BAIAP3: variants seen among roughly 807,000 people sequenced by gnomAD.
The protein encoded by BAIAP3 is BAI1-associated protein 3.
BAIAP3 carries 180 observed loss-of-function variants against 149.7 expected under a neutral mutation model. That is an observed-to-expected ratio of 1.20 (90% CI 1.07 to 1.36). The LOEUF is 1.36. BAIAP3 is among the 40% of genes most tolerant of loss of function. BAIAP3 has a pLI of 0.00. For missense variants in BAIAP3, 1,767 were observed against 1,563.4 expected (o/e 1.13, Z -2.20); for synonymous variants, 845 against 670.7 (o/e 1.26, Z -4.02).
rs746731178 is a variant in BAIAP3 at position 1,334,672 on chromosome 16, G to A, written c.-11+923G>A. 5.8e-5 allele frequency: 90 copies of A among 1,552,356 alleles called. No homozygotes were observed. The Middle Eastern group carries it at 1.4e-3, about 24-fold the overall frequency. ...CGGGGTTCGACTGGAATGAGACCCC[G>A]GGGAGCAGCGTTTGCAGCGGGCCCG... On this transcript the variant is annotated intron_variant, in intron 1 of 33. Coordinates refer to ENST00000426824, the MANE Select transcript of BAIAP3 (RefSeq NM_001199097.2).
At position 1,348,300 on chromosome 16, in the gene BAIAP3, G is replaced by C; in HGVS notation, c.3354G>C (p.Gln1118His). ...TGCACCTGTGCCGGCCCAGAGCCCA[G>C]GGTGAGTGAGCATCTGGGTGGAGGC... ...VTLHLCRPRA[Q>H]VRSALRRLEG... is the part of the protein sequence containing the mutation. The change falls in exon 33 of 34, where the codon CAG (glutamine) becomes CAC (histidine). Residue 1118 changes from glutamine (Q) to histidine (H), a missense_variant and splice_region_variant. Coordinates refer to ENST00000426824, the MANE Select transcript of BAIAP3 (RefSeq NM_001199097.2). 1 of 1,601,642 alleles carries C rather than the reference G, an allele frequency of 6.2e-7. No individual in the cohort carries two copies. Among genetic ancestry groups the C allele is most frequent in the Non-Finnish European group, 8.5e-7 (1 of 1,174,662 alleles).
At chr16:1,336,503 G>T in intron 1 of BAIAP3, 1 of 601,974 alleles carries the variant, frequency 1.7e-6, no homozygotes, top group Non-Finnish European at 2.1e-6. Context: ...TGCACCCAGG[G>T]CTCGGGGGCT....
chr16:1,344,679 T>C lies in BAIAP3; in HGVS notation c.1738T>C (p.Tyr580His), dbSNP rs750487482. 8 of 1,613,440 alleles carry C rather than the reference T, an allele frequency of 5.0e-6. No individual in the cohort carries two copies. Among genetic ancestry groups the C allele is most frequent in the Non-Finnish European group, 6.8e-6 (8 of 1,180,004 alleles). ...YDDLQFCYSV[Y>H]ASLFHSILNV... ...TGACCTTCAGTTCTGCTACAGTGTG[T>C]ACGCCAGCCTCTTCCACAGGTGGGC... Residue 580 changes from tyrosine to histidine, a missense_variant, in exon 19 of 34, where the codon TAC (tyrosine) becomes CAC (histidine). Physicochemically the swap from Tyr to His is moderately conservative, Grantham distance 83. Transcript: ENST00000426824.
chr16:1,343,496 TC>T lies in BAIAP3; in HGVS notation c.1370del (p.Ser457TyrfsTer47), dbSNP rs1348898804. On this transcript the variant is annotated frameshift_variant, in exon 15 of 34. Coordinates refer to ENST00000426824, the MANE Select transcript of BAIAP3 (RefSeq NM_001199097.2). LOFTEE classifies it high-confidence loss of function. Reference protein sequence around the residue: ...DMQAHWEEAPSLPQEQEESLA... With the variant: ...DMQAHWEEAPXLPQEQEESLA... ...GCAGGCACACTGGGAAGAGGCTCCT[TC>T]ACTGCCCCAGGAGCAGGTGGGTGCA... The T allele has an allele frequency of 1.9e-6, 3 of 1,605,834 alleles. No individual in the cohort carries two copies. The highest frequency in any genetic ancestry group is 2.5e-6 in the Non-Finnish European group (3 of 1,177,768).
chr16:1,339,090 A>G (rs1298192501), intron 3 of BAIAP3, 74 bp from the exon 4 acceptor site: 2 of 1,591,000 alleles, frequency 1.3e-6, no homozygotes, highest in Admixed American at 3.6e-5. Context: ...CTCCTGGGGC[A>G]CCACCTGTCT....
chr16:1,339,191 C>A lies in BAIAP3; in HGVS notation c.247C>A (p.Pro83Thr), dbSNP rs1333168246. Residue 83 changes from proline to threonine, a missense_variant, in exon 4 of 34, where the codon CCC (proline) becomes ACC (threonine). Transcript: ENST00000426824. The part of the protein sequence containing the change: ...EVPLRSGSPA[P>T]PEPVDPSLGL... Reference sequence around the variant, plus strand: ...CCCCCTGCGCAGTGGCTCGCCAGCACCCCCGGAGCCTGTGGATCCCAGCCT... The same window carrying A: ...CCCCCTGCGCAGTGGCTCGCCAGCAACCCCGGAGCCTGTGGATCCCAGCCT... The A allele has an allele frequency of 1.3e-6, 2 of 1,564,824 alleles. No individual in the cohort carries two copies. Among genetic ancestry groups the A allele is most frequent in the Admixed American group, 1.9e-5 (1 of 51,938 alleles).
chr16:1,334,573 G>T lies in BAIAP3; in HGVS notation c.-11+824G>T, dbSNP rs1365631952. 4 of 1,300,422 alleles carry T rather than the reference G, an allele frequency of 3.1e-6. No individual in the cohort carries two copies. In the East Asian group the frequency reaches 7.7e-5, roughly 25 times the overall value. 80.6% of individuals were successfully genotyped at this position (1,300,422 alleles called of 1,614,324 possible). ...CCTGCGCTCCTGCTGGGCGCCAGCG[G>T]CTGGACCTTGGCAGCCGTCTGAGGC... On this transcript the variant is annotated intron_variant, in intron 1 of 33. Coordinates refer to ENST00000426824, the MANE Select transcript of BAIAP3 (RefSeq NM_001199097.2).
Position 1,349,374 on chromosome 16 carries a change from A to G in BAIAP3, c.*892A>G. On this transcript the variant is annotated 3_prime_UTR_variant, in exon 34 of 34. Transcript: ENST00000426824. Reference sequence around the variant, plus strand: ...AGAGCCGAGGCTGCCAGGCCCATTTATGTCCCTCATGTCTCTAGATTTTCT... The same window carrying G: ...AGAGCCGAGGCTGCCAGGCCCATTTGTGTCCCTCATGTCTCTAGATTTTCT... The G allele has an allele frequency of 6.4e-7, 1 of 1,558,742 alleles. No individual in the cohort carries two copies. Among genetic ancestry groups the G allele is most frequent in the Non-Finnish European group, 8.8e-7 (1 of 1,130,836 alleles).
Position 1,345,309 on chromosome 16 carries a change from C to G in BAIAP3, c.2001C>G (p.Leu667=). 2 of 1,613,188 alleles carry G rather than the reference C, an allele frequency of 1.2e-6. No homozygotes were observed. Among genetic ancestry groups the G allele is most frequent in the Non-Finnish European group, 8.5e-7 (1 of 1,179,932 alleles). ...IHAPFLPAVK[L]WFQVLRDQAK... ...CCCCCTTCCTGCCTGCTGTGAAGCT[C>G]TGGTTCCAAGTGCTGAGGGACCAGG... is the stretch of plus-strand genomic sequence containing the variant. Residue 667 remains leucine, a synonymous_variant, in exon 22 of 34, where the codon CTC becomes CTG. Transcript: ENST00000426824.
rs2033683471 is a variant in BAIAP3 at position 1,339,193 on chromosome 16, C to T, written c.249C>T (p.Pro83=). The T allele has an allele frequency of 1.3e-6, 2 of 1,565,538 alleles. No homozygotes were observed. Among genetic ancestry groups the T allele is most frequent in the African/African-American group, 1.4e-5 (1 of 74,072 alleles). The change falls in exon 4 of 34, where the codon CCC becomes CCT. Residue 83 remains proline, a synonymous_variant. Transcript: ENST00000426824. The part of the protein sequence containing the change: ...EVPLRSGSPA[P]PEPVDPSLGL... ...CCCTGCGCAGTGGCTCGCCAGCACC[C>T]CCGGAGCCTGTGGATCCCAGCCTCG...
At position 1,348,699 on chromosome 16, in the gene BAIAP3, A is replaced by G. The variant is rs1262073428; in HGVS notation, c.*217A>G. On this transcript the variant is annotated 3_prime_UTR_variant, in exon 34 of 34. Transcript: ENST00000426824. ...CACCCAACCCCACATCTGGGTGGCC[A>G]ACTTGGCAGGACTTGGCCAGCAGCT... 6.6e-6 allele frequency: 4 copies of G among 602,480 alleles called. No individual in the cohort carries two copies. Among genetic ancestry groups the G allele is most frequent in the Non-Finnish European group, 2.9e-6 (1 of 340,568 alleles). 37.3% of individuals were successfully genotyped at this position (602,480 alleles called of 1,614,324 possible).
rs1466252840 is a variant in BAIAP3, at chr16:1,346,645, C to T, written c.2603C>T (p.Ala868Val). Residue 868 changes from alanine to valine, a missense_variant, in exon 27 of 34, where the codon GCC becomes GTC. Ala to Val is a moderately conservative substitution (Grantham distance 64, BLOSUM62 0). Coordinates refer to ENST00000426824, the MANE Select transcript of BAIAP3 (RefSeq NM_001199097.2). ...ATGAAGTACCTGGATGAGAAGCTGG[C>T]CCTGCTGAACGCCTCGCTGGTGAAG... is the stretch of plus-strand genomic sequence containing the variant. ...PLMKYLDEKLALLNASLVKGN... is the reference protein window; with the variant it reads ...PLMKYLDEKLVLLNASLVKGN... 1 of 1,547,412 alleles carries T rather than the reference C, an allele frequency of 6.5e-7. No individual in the cohort carries two copies. The highest frequency in any genetic ancestry group is 8.7e-7 in the Non-Finnish European group (1 of 1,147,540).
Position 1,341,895 on chromosome 16 carries a change from C to T in BAIAP3, c.776+29C>T, listed in dbSNP as rs370377301. ...CAGGCCCCTGCGCCATGCAGGGCGG[C>T]GGGGATGCACACCTTTTGCGGGGGA... On this transcript the variant is annotated intron_variant, in intron 9 of 33. Coordinates refer to ENST00000426824, the MANE Select transcript of BAIAP3 (RefSeq NM_001199097.2). 1.2e-4 allele frequency: 186 copies of T among 1,604,200 alleles called. 2 individuals carry two copies. Among genetic ancestry groups the T allele is most frequent in the East Asian group, 4.5e-5 (2 of 44,814 alleles).
chr16:1,336,506 C>T (rs1042096014), intron 1 of BAIAP3: 5 of 573,024 alleles, frequency 8.7e-6, no homozygotes, highest in African/African-American at 2.0e-5. Flanking sequence ...ACCCAGGGCT[C>T]GGGGGCTGGC....
rs758687104 is a variant in BAIAP3 at position 1,346,615 on chromosome 16, C to T, written c.2573C>T (p.Pro858Leu). 5.8e-6 allele frequency: 9 copies of T among 1,552,592 alleles called. No individual in the cohort carries two copies. The highest frequency in any genetic ancestry group is 4.8e-5 in the East Asian group (2 of 41,370). Residue 858 changes from proline (P) to leucine (L), a missense_variant, in exon 27 of 34, where the codon CCG becomes CTG. By Grantham distance (98) the Pro-to-Leu change is moderately conservative. Transcript: ENST00000426824. ...CACCCCTGCCCGCAGGCCGTGGCCCCGCTCATGAAGTACCTGGATGAGAAG... is the reference window on the plus strand; with the variant it reads ...CACCCCTGCCCGCAGGCCGTGGCCCTGCTCATGAAGTACCTGGATGAGAAG... Reference protein sequence around the residue: ...DSIQNDEAVAPLMKYLDEKLA... With the variant: ...DSIQNDEAVALLMKYLDEKLA...
At chr16:1,343,601 G>A (rs1297237669) in intron 15 of BAIAP3, 88 bp downstream of exon 15, 3 of 1,529,650 alleles carry the variant, frequency 2.0e-6, no homozygotes, top group African/African-American at 1.4e-5. Context: ...GAGGGGCAGA[G>A]TCCTGCCCGC....
chr16:1,338,675 G>T lies in BAIAP3; in HGVS notation c.126G>T (p.Gly42=). Residue 42 remains glycine, a synonymous_variant, in exon 2 of 34, where the codon GGG becomes GGT. Coordinates refer to ENST00000426824, the MANE Select transcript of BAIAP3 (RefSeq NM_001199097.2). ...ASADPQEPAT[G]AWKPGDGVEF... is the part of the protein sequence containing the mutation. ...CCGACCCGCAGGAGCCTGCCACGGG[G>T]GCCTGGTGGGTGCCGAGGGGCCCAG... The T allele has an allele frequency of 6.3e-7, 1 of 1,580,962 alleles. No individual in the cohort carries two copies. The highest frequency in any genetic ancestry group is 1.1e-5 in the South Asian group (1 of 87,742).
At position 1,348,014 on chromosome 16, in the gene BAIAP3, A is replaced by C; in HGVS notation, c.3146A>C (p.Tyr1049Ser). The C allele has an allele frequency of 6.2e-7, 1 of 1,608,280 alleles. No homozygotes were observed. Among genetic ancestry groups the C allele is most frequent in the East Asian group, 2.2e-5 (1 of 44,856 alleles). The change falls in exon 32 of 34, where the codon TAC (tyrosine) becomes TCC (serine). Residue 1049 changes from tyrosine to serine, a missense_variant. Coordinates refer to ENST00000426824, the MANE Select transcript of BAIAP3 (RefSeq NM_001199097.2). ...TLHPVYDELFYFSVPAEACRR... is the reference protein window; with the variant it reads ...TLHPVYDELFSFSVPAEACRR... ...CACCCTGTATACGACGAACTCTTCT[A>C]CTTGTGAGTGTCCTAAGCCCCAGCC...
rs1000410815 is a variant in BAIAP3 at position 1,339,167 on chromosome 16, C to G, written c.223C>G (p.Pro75Ala). The change falls in exon 4 of 34, where the codon CCC becomes GCC. Residue 75 changes from proline (P) to alanine (A), a missense_variant. By Grantham distance (27) the Pro-to-Ala change is conservative. Transcript: ENST00000426824. The stretch of plus-strand genomic sequence containing the variant: ...TCACCCTGGGCCCCACACACAGGTC[C>G]CCCTGCGCAGTGGCTCGCCAGCACC... ...GRQGLPCLEV[P>A]LRSGSPAPPE... The G allele has an allele frequency of 6.4e-7, 1 of 1,567,358 alleles. No individual in the cohort carries two copies. The highest frequency in any genetic ancestry group is 1.4e-5 in the African/African-American group (1 of 73,970).
Sources: allele counts gnomAD v4.1 joint callset, GRCh38; gene constraint gnomAD v4.1.1; transcripts MANE v1.5; gene names NCBI Gene and HGNC (gene_info 2026-07-23, HGNC 2026-07-21).